The following ESYT3 variants were observed in gnomAD, a reference collection of about 807,000 sequenced individuals.
ESYT3 encodes extended synaptotagmin-3.
A neutral mutation model predicts 111.5 loss-of-function variants in ESYT3; 101 were observed. The observed-to-expected ratio is 0.91, with a 90% CI of 0.77 to 1.07. The LOEUF is 1.07. Ranked by LOEUF, ESYT3 falls within the 50% of genes least tolerant of loss-of-function variation. The pLI, the probability that ESYT3 is intolerant of heterozygous loss-of-function variation, is 0.00. For synonymous variants in ESYT3, 416 were observed against 446.8 expected (o/e 0.93, Z 0.87); for missense variants, 1,097 against 1,109.4 (o/e 0.99, Z 0.16).
At position 138,468,637 on chromosome 3, in the gene ESYT3, G is replaced by T. The variant is rs748265089; in HGVS notation, c.1309-18G>T. On this transcript the variant is annotated intron_variant, in intron 12 of 22. Coordinates refer to ENST00000389567, the MANE Select transcript of ESYT3 (RefSeq NM_031913.5). ...CTGCTGCTGGGAGTACCCAGTGAGG[G>T]TCTGTGTCTGTTTGCAGGACCATGG... 3 of 1,613,900 alleles carry T rather than the reference G, an allele frequency of 1.9e-6. No individual in the cohort carries two copies. Among genetic ancestry groups the T allele is most frequent in the Admixed American group, 1.7e-5 (1 of 60,026 alleles).
intron 10 of ESYT3, 147 bp downstream of exon 10, chr3:138,465,568 C>T (rs2032886839): frequency 1.6e-6 from 1 of 636,046 alleles, no homozygotes; most frequent in South Asian, 2.0e-5. Context: ...ACCTGCCTCA[C>T]CATTCTACAT....
chr3:138,459,214 G>A lies in ESYT3; in HGVS notation c.609G>A (p.Val203=). The A allele has an allele frequency of 6.4e-7, 1 of 1,556,480 alleles. No individual in the cohort carries two copies. The highest frequency in any genetic ancestry group is 8.7e-7 in the Non-Finnish European group (1 of 1,144,544). The change falls in exon 5 of 23, where the codon GTG becomes GTA. Residue 203 remains valine, a synonymous_variant. Coordinates refer to ENST00000389567, the MANE Select transcript of ESYT3 (RefSeq NM_031913.5). Reference sequence around the variant, plus strand: ...ACATCGGGGACTGTGAGATCAGTGTGGAGCTGCAGAAGATTCAGGCTGGTG... The same window carrying A: ...ACATCGGGGACTGTGAGATCAGTGTAGAGCTGCAGAAGATTCAGGCTGGTG... ...ICYIGDCEIS[V]ELQKIQAGVN...
At chr3:138,468,251 G>C in intron 12 of ESYT3, 57 bp downstream of exon 12, 2 of 1,484,374 alleles carry the variant, frequency 1.3e-6, no homozygotes, top group Non-Finnish European at 1.9e-6. Context: ...ACACGTGCCA[G>C]GTGTGTGCAG....
Position 138,436,910 on chromosome 3 carries a change from G to A in ESYT3, c.327+1785G>A, listed in dbSNP as rs1007420957. ...AGCTATATGTAAAGGCAGTATATCCGATATTGGGTCAAAAATCAGATCGTG... is the reference window on the plus strand; with the variant it reads ...AGCTATATGTAAAGGCAGTATATCCAATATTGGGTCAAAAATCAGATCGTG... On this transcript the variant is annotated intron_variant, in intron 1 of 22. Coordinates refer to ENST00000389567, the MANE Select transcript of ESYT3 (RefSeq NM_031913.5). Among the ~76,000 whole-genome samples the A allele has an allele frequency of 6.6e-5, 10 of 152,180 alleles. 1 individual carries two copies. Among genetic ancestry groups the A allele is most frequent in the Admixed American group, 5.9e-4 (9 of 15,274 alleles).
At chr3:138,474,115 A>C in intron 19 of ESYT3, 106 bp from the exon 20 acceptor site, 1 of 1,438,306 alleles carries the variant, frequency 7.0e-7, no homozygotes, top group Non-Finnish European at 9.4e-7. Flanking sequence ...CTTCTCTCAA[A>C]TGTTTGAAGT....
intron 20 of ESYT3, among the ~76,000 whole-genome samples, chr3:138,475,838 ATTGATTGAACCCAGGAGGCAGAG>A (rs1365502079): frequency 1.3e-5 from 2 of 152,194 alleles, no homozygotes; most frequent in Non-Finnish European, 2.9e-5. Flanking sequence ...CTGAGGCAGA[ATTGATTGAACCCAGGAGGCAGAG>A]GTTGCGGTGA....
In ESYT3 at chr3:138,479,271, A is replaced by AAGATATAAACAAATAACCAAAGAT. The variant is rs1215703625; in HGVS notation, c.*2418_*2441dup. 1 of 152,334 alleles carries AAGATATAAACAAATAACCAAAGAT rather than the reference A, an allele frequency of 6.6e-6. No individual in the cohort carries two copies. The highest frequency in any genetic ancestry group is 1.9e-4 in the East Asian group (1 of 5,186). The allele number at this position is 152,334 out of a possible 1,614,324, so 9.4% of individuals were successfully genotyped here. On this transcript the variant is annotated 3_prime_UTR_variant, in exon 23 of 23. Coordinates refer to ENST00000389567, the MANE Select transcript of ESYT3 (RefSeq NM_031913.5). ...GCAAGTTTTGATGATGATTGTTCACAAGATATAAACAAATAACCAAAGATT... is the reference window on the plus strand; with the variant it reads ...GCAAGTTTTGATGATGATTGTTCACAAGATATAAACAAATAACCAAAGATAGATATAAACAAATAACCAAAGATT...
intron 1 of ESYT3, among the ~76,000 whole-genome samples, chr3:138,449,498 TA>T (rs1329034891): frequency 6.6e-6 from 1 of 151,976 alleles, no homozygotes; most frequent in Non-Finnish European, 1.5e-5. Context: ...TTGTGAAAAA[TA>T]AGTTGGTGAG....
At chr3:138,465,196 C>T (rs1191984112) in intron 9 of ESYT3, 143 bp from the exon 10 acceptor site, 1 of 608,462 alleles carries the variant, frequency 1.6e-6, no homozygotes, top group African/African-American at 1.9e-5. Context: ...GGAGGGGCTT[C>T]ACTCCCTTCT....
chr3:138,459,582 T>C (rs2108614015), intron 5 of ESYT3, among the ~76,000 whole-genome samples: 1 of 151,950 alleles, frequency 6.6e-6, no homozygotes, highest in Admixed American at 6.6e-5. Flanking sequence ...ACCCAGGAGG[T>C]GAAAATAACT....
intron 1 of ESYT3, among the ~76,000 whole-genome samples, chr3:138,437,895 G>GGCA (rs1026951414): frequency 6.6e-5 from 10 of 152,248 alleles, no homozygotes; most frequent in African/African-American, 2.4e-4. Flanking sequence ...AAACAGGTCT[G>GGCA]GGGAGGTTGG....
At chr3:138,439,477 C>G (rs1259178841) in intron 1 of ESYT3, among the ~76,000 whole-genome samples, 1 of 152,204 alleles carries the variant, frequency 6.6e-6, no homozygotes, top group Non-Finnish European at 1.5e-5. Flanking sequence ...CTCTGGGCTC[C>G]TAAGACCCTT....
intron 1 of ESYT3, among the ~76,000 whole-genome samples, chr3:138,443,128 C>T (rs2108594268): frequency 6.6e-6 from 1 of 152,266 alleles, no homozygotes; most frequent in African/African-American, 2.4e-5. Context: ...TCAGTGTTCT[C>T]ATCACTGTGA....
chr3:138,451,982 GGCTT>G (rs2031962771), intron 1 of ESYT3, 62 bp from the exon 2 acceptor site: 5 of 1,578,088 alleles, frequency 3.2e-6, no homozygotes, highest in Admixed American at 1.7e-5. Context: ...CCGCCAGGCT[GGCTT>G]GCTTGGTTCC....
intron 4 of ESYT3, 120 bp from the exon 5 acceptor site, chr3:138,459,067 T>C: frequency 1.4e-6 from 1 of 696,860 alleles, no homozygotes; most frequent in Non-Finnish European, 2.4e-6. Flanking sequence ...TGCATAGAGC[T>C]CAGGGTCGGC....
intron 3 of ESYT3, among the ~76,000 whole-genome samples, chr3:138,457,189 T>C (rs1365629925): frequency 1.3e-5 from 2 of 152,228 alleles, no homozygotes; most frequent in African/African-American, 4.8e-5. Flanking sequence ...TATTGCCAGC[T>C]TCCTCCAGTT....
In ESYT3 at chr3:138,468,654, G is replaced by T; in HGVS notation, c.1309-1G>T. ...CAGTGAGGGTCTGTGTCTGTTTGCA[G>T]GACCATGGTGGCCTTTCCACTGCCA... On this transcript the variant is annotated splice_acceptor_variant, in intron 12 of 22. Coordinates refer to ENST00000389567, the MANE Select transcript of ESYT3 (RefSeq NM_031913.5). LOFTEE classifies it high-confidence loss of function. 1 of 1,614,102 alleles carries T rather than the reference G, an allele frequency of 6.2e-7. No homozygotes were observed. The highest frequency in any genetic ancestry group is 8.5e-7 in the Non-Finnish European group (1 of 1,180,026).
chr3:138,474,188 T>C (rs2033375935), intron 19 of ESYT3, 33 bp from the exon 20 acceptor site: 3 of 1,592,878 alleles, frequency 1.9e-6, no homozygotes, highest in African/African-American at 1.4e-5. Context: ...GGGCCCTTTT[T>C]TTTTTTTCCT....
At position 138,467,568 on chromosome 3, in the gene ESYT3, A is replaced by G. The variant is rs372958530; in HGVS notation, c.1177A>G (p.Ile393Val). 1 of 1,613,980 alleles carries G rather than the reference A, an allele frequency of 6.2e-7. No individual in the cohort carries two copies. Among genetic ancestry groups the G allele is most frequent in the African/African-American group, 1.3e-5 (1 of 74,888 alleles). Reference protein sequence around the residue: ...DRDDFLGSLQICLGDVMTNRV... With the variant: ...DRDDFLGSLQVCLGDVMTNRV... ...TCTCCCTGTATATTCCAGCCTGCAG[A>G]TCTGCCTTGGAGATGTCATGACCAA... The change falls in exon 11 of 23, where the codon ATC (isoleucine) becomes GTC (valine). Residue 393 changes from isoleucine (I) to valine (V), a missense_variant. Physicochemically the swap from Ile to Val is conservative, Grantham distance 29. Transcript: ENST00000389567.
Sources: gnomAD v4.1 joint callset for allele counts (sites outside exome capture counted in the v4.1 genomes callset) on GRCh38, gnomAD v4.1.1 for gene constraint, MANE v1.5 for transcripts, NCBI Gene and HGNC (gene_info 2026-07-23, HGNC 2026-07-21) for gene names.